The following CHLSN variants were observed in gnomAD, a reference collection of about 807,000 sequenced individuals.
The protein encoded by CHLSN is cholesin, also known as protein cholesin.
the CHLSN span, among the ~76,000 whole-genome samples, chr7:1,010,480 T>C: frequency 6.6e-6 from 1 of 152,236 alleles, no homozygotes. Flanking sequence ...TGTGGGAAGA[T>C]CCGGGCCGGC....
chr7:1,120,490 C>A, the CHLSN span, among the ~76,000 whole-genome samples: 1 of 152,226 alleles, frequency 6.6e-6, no homozygotes, highest in African/African-American at 2.4e-5. Flanking sequence ...CAGGGTTTCA[C>A]CATGTTGCCC....
the CHLSN span, chr7:1,028,924 C>A: frequency 1.5e-6 from 1 of 651,856 alleles, no homozygotes; most frequent in Non-Finnish European, 1.9e-6. Context: ...CCCAGTCTGC[C>A]CCCATCTCCC....
chr7:999,799 C>A, the CHLSN span, among the ~76,000 whole-genome samples: 2 of 152,220 alleles, frequency 1.3e-5, no homozygotes, highest in African/African-American at 4.8e-5. Context: ...GCACTGCCCA[C>A]CGGATGCAGC....
chr7:1,100,011 T>C, the CHLSN span, among the ~76,000 whole-genome samples: 1 of 152,198 alleles, frequency 6.6e-6, no homozygotes, highest in Non-Finnish European at 1.5e-5. Flanking sequence ...GATAATCCAC[T>C]TCTCATTTAA....
the CHLSN span, chr7:1,025,682 G>A: frequency 6.6e-6 from 1 of 152,264 alleles, no homozygotes; most frequent in South Asian, 2.1e-4. Flanking sequence ...TGGTAACAGA[G>A]CTTTGTAACC....
chr7:1,065,861 T>C, the CHLSN span, among the ~76,000 whole-genome samples: 31,745 of 152,220 alleles, frequency 0.21, 3,960 homozygotes, highest in Middle Eastern at 0.33. Flanking sequence ...GCACTTTTAA[T>C]ACTCCGCGAT....
At chr7:1,021,922 G>A in the CHLSN span, among the ~76,000 whole-genome samples, 1 of 152,206 alleles carries the variant, frequency 6.6e-6, no homozygotes, top group African/African-American at 2.4e-5. Flanking sequence ...GGCACCCAGG[G>A]CAGCTCCCTC....
At chr7:1,028,671 C>A in the CHLSN span, 1 of 749,474 alleles carries the variant, frequency 1.3e-6, no homozygotes, top group Non-Finnish European at 1.6e-6. Flanking sequence ...CCTATCGTCC[C>A]CCTACTTCCC....
At chr7:1,095,709 A>G in the CHLSN span, among the ~76,000 whole-genome samples, 27 of 152,288 alleles carry the variant, frequency 1.8e-4, no homozygotes, top group African/African-American at 6.0e-4. Context: ...GAGGCACTAG[A>G]AGGGTCAGTC....
chr7:1,021,522 G>A, the CHLSN span: 2 of 985,458 alleles, frequency 2.0e-6, no homozygotes, highest in Non-Finnish European at 2.4e-6. Context: ...TGGGACCCCA[G>A]GGAGCACTGT....
At chr7:1,005,493 G>T in the CHLSN span, among the ~76,000 whole-genome samples, 1 of 152,230 alleles carries the variant, frequency 6.6e-6, no homozygotes, top group Admixed American at 6.5e-5. Context: ...GGGCTGGCGC[G>T]GACAGGGGCC....
the CHLSN span, chr7:1,028,930 C>T: frequency 1.7e-6 from 1 of 605,238 alleles, no homozygotes; most frequent in East Asian, 1.4e-4. Context: ...CTGCCCCCAT[C>T]TCCCCTGCCC....
chr7:1,069,118 A>C, the CHLSN span, among the ~76,000 whole-genome samples: 1 of 152,166 alleles, frequency 6.6e-6, no homozygotes, highest in Non-Finnish European at 1.5e-5. Context: ...GGATCACCTG[A>C]GGTCTGGAGT....
At chr7:1,076,448 G>A in the CHLSN span, among the ~76,000 whole-genome samples, 2 of 152,220 alleles carry the variant, frequency 1.3e-5, no homozygotes, top group Admixed American at 6.5e-5. Context: ...CTGGGGAGGA[G>A]TTCCCCTGTG....
At chr7:1,053,250 T>A in the CHLSN span, among the ~76,000 whole-genome samples, 2 of 152,126 alleles carry the variant, frequency 1.3e-5, no homozygotes, top group African/African-American at 4.8e-5. Flanking sequence ...CCCCTCTGCG[T>A]CCAGGCAGGC....
the CHLSN span, among the ~76,000 whole-genome samples, chr7:1,106,341 AC>A: frequency 4.4e-4 from 67 of 152,234 alleles, no homozygotes; most frequent in African/African-American, 1.5e-3. Context: ...CCAGAGCGAA[AC>A]CCCAGAGACA....
the CHLSN span, among the ~76,000 whole-genome samples, chr7:1,029,347 C>T: frequency 6.6e-6 from 1 of 152,164 alleles, no homozygotes; most frequent in Non-Finnish European, 1.5e-5. Context: ...AGGCTGTTCA[C>T]GAACTCCTGG....
the CHLSN span, among the ~76,000 whole-genome samples, chr7:1,070,503 G>T: frequency 6.8e-6 from 1 of 146,876 alleles, no homozygotes; most frequent in African/African-American, 2.5e-5. Context: ...GAATGCACGC[G>T]CACACATGCA....
the CHLSN span, among the ~76,000 whole-genome samples, chr7:1,079,888 G>A: frequency 1.4e-4 from 22 of 152,360 alleles, no homozygotes; most frequent in Non-Finnish European, 2.2e-4. Flanking sequence ...CCATGCTGCC[G>A]TCAAGAACAC....
Sources: gnomAD v4.1 joint callset for allele counts (sites outside exome capture counted in the v4.1 genomes callset) on GRCh38, gnomAD v4.1.1 for gene constraint, MANE v1.5 for transcripts, NCBI Gene and HGNC (gene_info 2026-07-23, HGNC 2026-07-21) for gene names.